Variants in GRHL1 observed in about 807,000 individuals in gnomAD.
GRHL1 encodes grainyhead-like protein 1 homolog.
Under a neutral mutation model 75.7 loss-of-function variants are expected in GRHL1, and 38 were observed. The ratio of observed to expected loss-of-function variants is 0.50; its 90% confidence interval spans 0.39 to 0.66. GRHL1 has a LOEUF of 0.66. Ranked by LOEUF, GRHL1 falls within the 30% of genes least tolerant of loss-of-function variation. The pLI, the probability that GRHL1 is intolerant of heterozygous loss-of-function variation, is 0.00. For missense variants in GRHL1, 589 were observed against 767.5 expected (o/e 0.77, Z 2.75); for synonymous variants, 266 against 279.4 (o/e 0.95, Z 0.48).
rs1036067617 is a variant in GRHL1 at position 9,990,349 on chromosome 2, C to T, written c.1270-347C>T. Among the ~76,000 whole-genome samples, 8 of 151,970 alleles carry T rather than the reference C, an allele frequency of 5.3e-5. No individual in the cohort carries two copies. Among genetic ancestry groups the T allele is most frequent in the African/African-American group, 1.9e-4 (8 of 41,348 alleles). ...TATTTTTAGTAGAGGTGGGGTTTCA[C>T]CATGTTGGCCAGGCTGGTCTCGAAC... On this transcript the variant is annotated intron_variant, in intron 9 of 15. Transcript: ENST00000324907. The surrounding 1 kb of genome is among the most constrained non-coding windows in gnomAD (Gnocchi z 4.2).
chr2:9,992,000 T>C lies in GRHL1; in HGVS notation c.1322-7T>C. On this transcript the variant is annotated splice_polypyrimidine_tract_variant and splice_region_variant and intron_variant, in intron 10 of 15. Transcript: ENST00000324907. The stretch of plus-strand genomic sequence containing the variant: ...GCTTCCTCTTTTTTAATTTTTTTTT[T>C]TTTCAGTTTCTGATGTTAAAGTGCC... 1.3e-6 allele frequency: 2 copies of C among 1,552,840 alleles called. No individual in the cohort carries two copies. The highest frequency in any genetic ancestry group is 1.7e-6 in the Non-Finnish European group (2 of 1,149,674).
rs1313941842 is a variant in GRHL1, at chr2:9,979,169, G to GAAAAAAAAAAAAAAAAAAAAAAAA, written c.1111-6952_1111-6951insAAAAAAAAAAAAAAAAAAAAAAAA. 8.8e-4 allele frequency among the ~76,000 whole-genome samples: 66 copies of GAAAAAAAAAAAAAAAAAAAAAAAA among 74,846 alleles called. 1 individual carries two copies. The highest frequency in any genetic ancestry group is 1.5e-3 in the East Asian group (4 of 2,738). 49.1% of individuals were successfully genotyped at this position (74,846 alleles called of 152,430 possible). Reference sequence around the variant, plus strand: ...TCTCTCTCAAAAAAAAAAAAAAAAGGAAACCTTATCCAAACTGTCATAAAG... The same window carrying GAAAAAAAAAAAAAAAAAAAAAAAA: ...TCTCTCTCAAAAAAAAAAAAAAAAGGAAAAAAAAAAAAAAAAAAAAAAAAAAACCTTATCCAAACTGTCATAAAG... On this transcript the variant is annotated intron_variant, in intron 8 of 15. Coordinates refer to ENST00000324907, the MANE Select transcript of GRHL1 (RefSeq NM_198182.3).
rs771777932 is a variant in GRHL1, at chr2:9,990,813, G to T, written c.1321+66G>T. ...GTAGAAATGTTCCCGGCAAGCTTCA[G>T]ACCTTTTCCATTGAGAATGGTGGCT... On this transcript the variant is annotated intron_variant, in intron 10 of 15. Transcript: ENST00000324907. The surrounding 1 kb of genome is among the most constrained non-coding windows in gnomAD (Gnocchi z 4.2). 2.3e-6 allele frequency: 3 copies of T among 1,322,040 alleles called. No homozygotes were observed. The highest frequency in any genetic ancestry group is 3.2e-6 in the Non-Finnish European group (3 of 928,930). The allele number at this position is 1,322,040 out of a possible 1,614,324, so 81.9% of individuals were successfully genotyped here.
chr2:9,962,519 A>G lies in GRHL1; in HGVS notation c.734A>G (p.Asp245Gly). Residue 245 changes from aspartate (D) to glycine (G), a missense_variant, in exon 5 of 16, where the codon GAC becomes GGC. Transcript: ENST00000324907. ...ATGAATTCAGAGGACTATGTTTTTG[A>G]CAGTGTTTCTGGGTAATAGATGTCT... ...PGMNSEDYVF[D>G]SVSGNNFEYT... The G allele has an allele frequency of 6.4e-7, 1 of 1,571,326 alleles. No individual in the cohort carries two copies. The highest frequency in any genetic ancestry group is 8.8e-7 in the Non-Finnish European group (1 of 1,140,990).
chr2:9,968,824 A>G lies in GRHL1; in HGVS notation c.1110+3443A>G, dbSNP rs533127124. On this transcript the variant is annotated intron_variant, in intron 8 of 15. Transcript: ENST00000324907. This position sits in a 1 kb window ranked among gnomAD's most constrained non-coding sequence, Gnocchi z 4.7. ...GAACTGAGCCCAGCACATATCCGAG[A>G]GCCTGCTGTGGACAAGGCGTGGGCT... is the stretch of plus-strand genomic sequence containing the variant. 2.0e-5 allele frequency among the ~76,000 whole-genome samples: 3 copies of G among 152,274 alleles called. No individual in the cohort carries two copies. The highest frequency in any genetic ancestry group is 3.9e-4 in the East Asian group (2 of 5,174).
intron 8 of GRHL1, among the ~76,000 whole-genome samples, chr2:9,969,642 A>T (rs1203615838): frequency 6.6e-6 from 1 of 152,204 alleles, no homozygotes; most frequent in Non-Finnish European, 1.5e-5. Context: ...ATTGGAATCC[A>T]GTGAAAACCA....
chr2:9,984,063 A>C (rs568259554), intron 8 of GRHL1, among the ~76,000 whole-genome samples: 31 of 152,194 alleles, frequency 2.0e-4, no homozygotes, highest in African/African-American at 6.7e-4. Flanking sequence ...CTGGGGCAGG[A>C]GAATCGCTTG....
At chr2:9,976,940 CTG>C (rs1157948516) in intron 8 of GRHL1, among the ~76,000 whole-genome samples, 1 of 152,130 alleles carries the variant, frequency 6.6e-6, no homozygotes, top group Non-Finnish European at 1.5e-5. Flanking sequence ...TTCACATAGA[CTG>C]TGGTAAGCTA....
chr2:9,969,125 T>G (rs1667605361), intron 8 of GRHL1, among the ~76,000 whole-genome samples: 1 of 152,232 alleles, frequency 6.6e-6, no homozygotes, highest in African/African-American at 2.4e-5. Context: ...TTGCCTGAGT[T>G]GTAAATCTTA....
intron 15 of GRHL1, among the ~76,000 whole-genome samples, chr2:9,999,550 G>T (rs1396481078): frequency 1.3e-5 from 2 of 152,266 alleles, no homozygotes; most frequent in East Asian, 3.8e-4. Context: ...TAGACAGGCG[G>T]CTGAGGCTCA....
rs267598794 is a variant in GRHL1 at position 9,961,325 on chromosome 2, C to T, written c.558C>T (p.Phe186=). 11 of 1,614,038 alleles carry T rather than the reference C, an allele frequency of 6.8e-6. No homozygotes were observed. Among genetic ancestry groups the T allele is most frequent in the East Asian group, 6.7e-5 (3 of 44,884 alleles). ...HPEPTERVVV[F]DRNLNTDQFS... ...AGCCCACTGAGCGGGTGGTGGTTTT[C>T]GATCGGAATCTCAATACTGACCAGT... The change falls in exon 4 of 16, where the codon TTC becomes TTT. Residue 186 remains phenylalanine, a synonymous_variant. Coordinates refer to ENST00000324907, the MANE Select transcript of GRHL1 (RefSeq NM_198182.3).
At chr2:9,964,065 T>A in intron 6 of GRHL1, 23 bp downstream of exon 6, 1 of 1,605,332 alleles carries the variant, frequency 6.2e-7, no homozygotes, top group African/African-American at 1.3e-5. Flanking sequence ...CTTAGTCCTG[T>A]TCTCTAGGAA....
intron 8 of GRHL1, among the ~76,000 whole-genome samples, chr2:9,983,582 T>G (rs1457308433): frequency 6.6e-6 from 1 of 152,174 alleles, no homozygotes; most frequent in Non-Finnish European, 1.5e-5. Flanking sequence ...GTTGGATTAC[T>G]GTGAAATCTT....
At chr2:9,982,831 A>G (rs1378147257) in intron 8 of GRHL1, among the ~76,000 whole-genome samples, 1 of 152,260 alleles carries the variant, frequency 6.6e-6, no homozygotes, top group Non-Finnish European at 1.5e-5. Context: ...AGGTAAATGT[A>G]TTACACAAAA....
intron 8 of GRHL1, among the ~76,000 whole-genome samples, chr2:9,969,944 G>A (rs1351638249): frequency 2.0e-5 from 3 of 148,422 alleles, no homozygotes; most frequent in African/African-American, 5.0e-5. Context: ...CCAGGTTCAC[G>A]CCATTCTCCT....
rs2125208382 is a variant in GRHL1, at chr2:9,961,203, A to G, written c.436A>G (p.Thr146Ala). The change falls in exon 4 of 16, where the codon ACT becomes GCT. Residue 146 changes from threonine to alanine, a missense_variant. Around this residue, in one of 5 missense-constraint regions of GRHL1, gnomAD observed 362 missense variants for 461.8 expected, o/e 0.78. Transcript: ENST00000324907. Reference sequence around the variant, plus strand: ...TCTGACAGCTCCAGATACGACAGTCACTGTCTCCATAGCAACGATGCCTAC... The same window carrying G: ...TCTGACAGCTCCAGATACGACAGTCGCTGTCTCCATAGCAACGATGCCTAC... ...GHLTAPDTTV[T>A]VSIATMPTHS... 6.2e-7 allele frequency: 1 copy of G among 1,614,086 alleles called. No individual in the cohort carries two copies. The highest frequency in any genetic ancestry group is 2.2e-5 in the East Asian group (1 of 44,882).
At chr2:9,976,277 C>T (rs1243814902) in intron 8 of GRHL1, among the ~76,000 whole-genome samples, 1 of 152,248 alleles carries the variant, frequency 6.6e-6, no homozygotes, top group East Asian at 1.9e-4. Context: ...TAGGAAGATT[C>T]GTCACACTTC....
chr2:9,986,071 G>T (rs1388766712), intron 8 of GRHL1, 53 bp from the exon 9 acceptor site: 1 of 1,354,894 alleles, frequency 7.4e-7, no homozygotes, highest in Non-Finnish European at 1.0e-6. Context: ...CATGAGCTGT[G>T]CTAGGTTTGA....
rs750082521 is a variant in GRHL1, at chr2:9,965,326, A to C, written c.1055A>C (p.Glu352Ala). Residue 352 changes from glutamate (E) to alanine (A), a missense_variant, in exon 8 of 16, where the codon GAG becomes GCG. Physicochemically the swap from Glu to Ala is moderately radical, Grantham distance 107. Around this residue, in one of 5 missense-constraint regions of GRHL1, gnomAD observed 362 missense variants for 461.8 expected, o/e 0.78. Coordinates refer to ENST00000324907, the MANE Select transcript of GRHL1 (RefSeq NM_198182.3). ...KESFNTISNI[E>A]EIAYNAISFT... ...AGCTTCAACACTATCAGTAACATCG[A>C]GGAGATTGCGTATAACGCCATTTCC... 6.2e-7 allele frequency: 1 copy of C among 1,612,308 alleles called. No individual in the cohort carries two copies. Among genetic ancestry groups the C allele is most frequent in the South Asian group, 1.1e-5 (1 of 91,044 alleles).
Sources: gnomAD v4.1 joint callset for allele counts (sites outside exome capture counted in the v4.1 genomes callset) on GRCh38, gnomAD v4.1.1 for gene constraint, gnomAD v4.1.1 regional missense constraint, Gnocchi (gnomAD v3.1) non-coding constraint, MANE v1.5 for transcripts, NCBI Gene and HGNC (gene_info 2026-07-23, HGNC 2026-07-21) for gene names.